Variants in DPP6 observed in about 807,000 individuals in gnomAD.
DPP6 encodes A-type potassium channel modulatory protein DPP6.
Under a neutral mutation model 122.6 loss-of-function variants are expected in DPP6, and 69 were observed. The ratio of observed to expected loss-of-function variants is 0.56; its 90% CI spans 0.46 to 0.69. The LOEUF is 0.69. DPP6 is among the 30% of genes least tolerant of loss of function. The pLI, the probability that DPP6 is intolerant of heterozygous loss-of-function variation, is 0.00. For synonymous variants in DPP6, 418 were observed against 433.1 expected, an observed-to-expected ratio of 0.97 and a Z score of 0.43; for missense variants, 928 against 1,116.9, an observed-to-expected ratio of 0.83 and a Z score of 2.41.
intron 1 of DPP6, among the ~76,000 whole-genome samples, chr7:154,054,979 T>C (rs1338998159): frequency 6.6e-6 from 1 of 152,114 alleles, no homozygotes; most frequent in African/African-American, 2.4e-5. Context: ...TGTCTAGAAA[T>C]GATTCTCAGA....
chr7:153,830,035 G>A, the DPP6 span, among the ~76,000 whole-genome samples: 1 of 152,174 alleles, frequency 6.6e-6, no homozygotes, highest in Admixed American at 6.5e-5. Flanking sequence ...TGAAACTTGT[G>A]CTCCATTTTA....
At chr7:154,042,085 C>T (rs1036548451) in intron 1 of DPP6, among the ~76,000 whole-genome samples, 13 of 152,112 alleles carry the variant, frequency 8.5e-5, no homozygotes, top group African/African-American at 3.1e-4. Context: ...AAGGCTACAG[C>T]AGCTTTGAGC....
At chr7:154,199,851 G>T (rs923078681) in intron 1 of DPP6, among the ~76,000 whole-genome samples, 28 of 151,856 alleles carry the variant, frequency 1.8e-4, no homozygotes, top group African/African-American at 6.5e-4. Context: ...CAAGTGATCC[G>T]CCTGCCTCAG....
At chr7:154,341,356 G>C (rs569038441) in intron 1 of DPP6, among the ~76,000 whole-genome samples, 7 of 152,100 alleles carry the variant, frequency 4.6e-5, no homozygotes, top group Non-Finnish European at 8.8e-5. Flanking sequence ...AGGTGGTTAT[G>C]TAGGACTCAG....
In DPP6 at chr7:154,843,376, T is replaced by C. The variant is rs573451948; in HGVS notation, c.1667-10404T>C. ...CCTAAACATAAAGATACCAGAGATA[T>C]TGGCTGGGAAAAAAACAGAAAAGCA... On this transcript the variant is annotated intron_variant, in intron 16 of 25. Transcript: ENST00000377770. 7.2e-5 allele frequency among the ~76,000 whole-genome samples: 11 copies of C among 152,344 alleles called. No homozygotes were observed. The East Asian group carries it at 1.9e-3, about 27-fold the overall frequency.
intron 5 of DPP6, among the ~76,000 whole-genome samples, chr7:154,586,787 C>T (rs1485397453): frequency 2.0e-5 from 3 of 152,184 alleles, no homozygotes; most frequent in African/African-American, 7.2e-5. Flanking sequence ...CTGGTGATCT[C>T]TTCCATCCAG....
intron 1 of DPP6, among the ~76,000 whole-genome samples, chr7:153,892,711 G>C (rs1208849328): frequency 6.6e-6 from 1 of 152,016 alleles, no homozygotes; most frequent in African/African-American, 2.4e-5. Flanking sequence ...TTGGTCACTT[G>C]GTAACAAAAT....
At chr7:154,747,655 A>G (rs1285153985) in intron 8 of DPP6, among the ~76,000 whole-genome samples, 2 of 150,072 alleles carry the variant, frequency 1.3e-5, no homozygotes, top group African/African-American at 4.9e-5. Context: ...CATATGTTAG[A>G]AAAAAAAAAT....
the DPP6 span, among the ~76,000 whole-genome samples, chr7:153,779,179 A>C: frequency 6.7e-6 from 1 of 148,278 alleles, no homozygotes; most frequent in African/African-American, 2.6e-5. Flanking sequence ...TCATTTTCCA[A>C]TAGAAGGAAC....
intron 1 of DPP6, among the ~76,000 whole-genome samples, chr7:154,069,423 T>TGTG (rs1006320658): frequency 6.7e-6 from 1 of 148,498 alleles, no homozygotes; most frequent in African/African-American, 2.5e-5. Context: ...AGAGTTAAAC[T>TGTG]GTGGACTCCA....
chr7:153,992,254 TG>T (rs998464098), intron 1 of DPP6, among the ~76,000 whole-genome samples: 1 of 152,248 alleles, frequency 6.6e-6, no homozygotes, highest in African/African-American at 2.4e-5. Flanking sequence ...CATTTGCAAT[TG>T]TCTTTTAAAC....
the DPP6 span, among the ~76,000 whole-genome samples, chr7:153,818,394 T>C: frequency 6.6e-6 from 1 of 152,030 alleles, no homozygotes; most frequent in Non-Finnish European, 1.5e-5. Flanking sequence ...TATAAAAGAA[T>C]GTTTGCTGCA....
chr7:154,821,939 G>A lies in DPP6; in HGVS notation c.1666+14827G>A, dbSNP rs1024833843. 1.3e-5 allele frequency among the ~76,000 whole-genome samples: 2 copies of A among 152,000 alleles called. No homozygotes were observed. Among genetic ancestry groups the A allele is most frequent in the African/African-American group, 2.4e-5 (1 of 41,454 alleles). On this transcript the variant is annotated intron_variant, in intron 16 of 25. Transcript: ENST00000377770. This position sits in a 1 kb window ranked among gnomAD's most constrained non-coding sequence, Gnocchi z 4.2. The stretch of plus-strand genomic sequence containing the variant: ...TTTGCAGACCCACAGCGGTGCTTCC[G>A]GTTAAAAGCCAGTGTGGAATACATG...
intron 1 of DPP6, among the ~76,000 whole-genome samples, chr7:154,002,866 T>A (rs1411704151): frequency 1.3e-5 from 2 of 152,114 alleles, no homozygotes; most frequent in Admixed American, 6.5e-5. Context: ...ACTTTCTAAG[T>A]GAGAAATACG....
At chr7:154,888,737 G>A (rs367803927) in intron 23 of DPP6, among the ~76,000 whole-genome samples, 9 of 152,246 alleles carry the variant, frequency 5.9e-5, no homozygotes, top group African/African-American at 1.4e-4. Flanking sequence ...ATATTAGTCC[G>A]TTTTCATGCT....
chr7:153,974,636 T>C (rs1796202460), intron 1 of DPP6, among the ~76,000 whole-genome samples: 1 of 152,208 alleles, frequency 6.6e-6, no homozygotes, highest in Non-Finnish European at 1.5e-5. Context: ...TCCTGTTGTC[T>C]CCAAGGCTCA....
Position 154,492,478 on chromosome 7 carries a change from T to C in DPP6, c.457+17441T>C, listed in dbSNP as rs147708361. On this transcript the variant is annotated intron_variant, in intron 3 of 25. Coordinates refer to ENST00000377770, the MANE Select transcript of DPP6 (RefSeq NM_130797.4). ...CCAGGTATATATCCAAAGCCTGCTT[T>C]CTCCTTCTCGCCTCACCTCTGCTGG... is the stretch of plus-strand genomic sequence containing the variant. Among the ~76,000 whole-genome samples the C allele has an allele frequency of 4.8e-3, 725 of 152,290 alleles. 4 individuals are homozygous for C. Among genetic ancestry groups the C allele is most frequent in the African/African-American group, 0.016 (683 of 41,558 alleles).
intron 1 of DPP6, among the ~76,000 whole-genome samples, chr7:154,286,849 AG>A (rs2150958963): frequency 6.7e-6 from 1 of 148,840 alleles, no homozygotes; most frequent in East Asian, 2.0e-4. Flanking sequence ...TCTGTCACCC[AG>A]GCTGAAGTGC....
intron 16 of DPP6, among the ~76,000 whole-genome samples, chr7:154,823,294 C>T (rs1444978086): frequency 6.6e-6 from 1 of 152,170 alleles, no homozygotes; most frequent in East Asian, 1.9e-4. Flanking sequence ...CAGTTTGACC[C>T]AGGAGTTTGA....
Sources: allele counts gnomAD v4.1 joint callset (sites outside exome capture counted in the v4.1 genomes callset), GRCh38; gene constraint gnomAD v4.1.1; non-coding constraint Gnocchi (gnomAD v3.1); transcripts MANE v1.5; gene names NCBI Gene and HGNC (gene_info 2026-07-23, HGNC 2026-07-21).